The following ADAM18 variants were observed in gnomAD, a reference collection of about 807,000 sequenced individuals.
The protein encoded by ADAM18 is disintegrin and metalloproteinase domain-containing protein 18.
In ADAM18, 117 loss-of-function variants were observed where a neutral mutation model predicts 94.4. That is an observed-to-expected ratio of 1.24 (90% CI 1.07 to 1.45). ADAM18 has a LOEUF of 1.45. ADAM18 is among the 40% of genes most tolerant of loss of function. The pLI is 0.00. For missense variants in ADAM18, 936 were observed against 880.0 expected (o/e 1.06, Z -0.81); for synonymous variants, 327 against 291.6 (o/e 1.12, Z -1.24).
intron 19 of ADAM18, among the ~76,000 whole-genome samples, chr8:39,728,547 TAA>T (rs1347649704): frequency 6.6e-6 from 1 of 152,066 alleles, no homozygotes; most frequent in Admixed American, 6.5e-5. Flanking sequence ...ACAAAATATA[TAA>T]AAAATAAAGT....
At chr8:39,643,922 C>T (rs1199616503) in intron 10 of ADAM18, among the ~76,000 whole-genome samples, 3 of 151,666 alleles carry the variant, frequency 2.0e-5, no homozygotes, top group Non-Finnish European at 4.4e-5. Flanking sequence ...TATCATTCCT[C>T]ATATTCTGCT....
At chr8:39,602,572 TAAG>T (rs1818937213) in intron 2 of ADAM18, among the ~76,000 whole-genome samples, 1 of 152,196 alleles carries the variant, frequency 6.6e-6, no homozygotes, top group Non-Finnish European at 1.5e-5. Context: ...TCTTCTGGTC[TAAG>T]ATTTTAAAAA....
At chr8:39,642,926 T>C (rs1820275473) in intron 10 of ADAM18, among the ~76,000 whole-genome samples, 1 of 152,106 alleles carries the variant, frequency 6.6e-6, no homozygotes, top group Admixed American at 6.6e-5. Context: ...GCATGGGATG[T>C]TTTTCCACTT....
chr8:39,668,460 A>G (rs559087469), intron 14 of ADAM18, among the ~76,000 whole-genome samples: 15 of 152,288 alleles, frequency 9.8e-5, no homozygotes, highest in Non-Finnish European at 2.2e-4. Flanking sequence ...CATCATTTAT[A>G]TAAACATTAA....
intron 7 of ADAM18, among the ~76,000 whole-genome samples, chr8:39,635,116 G>A (rs1820042640): frequency 6.6e-6 from 1 of 152,170 alleles, no homozygotes; most frequent in African/African-American, 2.4e-5. Flanking sequence ...TGAGGATACA[G>A]CAAGAAGGCC....
chr8:39,609,092 C>T lies in ADAM18; in HGVS notation c.239C>T (p.Ser80Phe), dbSNP rs771734296. 2 of 1,591,590 alleles carry T rather than the reference C, an allele frequency of 1.3e-6. No individual in the cohort carries two copies. The highest frequency in any genetic ancestry group is 1.7e-6 in the Non-Finnish European group (2 of 1,169,426). The change falls in exon 4 of 20, where the codon TCT becomes TTT. Residue 80 changes from serine to phenylalanine, a missense_variant. Physicochemically the swap from Ser to Phe is radical, Grantham distance 155. Transcript: ENST00000265707. ...GTTTATACATATAATGAAACTGGAT[C>T]TTTGCATTCTGTGTCTCCATATTTT... is the stretch of plus-strand genomic sequence containing the variant. ...FLVYTYNETGSLHSVSPYFMM... is the reference protein window; with the variant it reads ...FLVYTYNETGFLHSVSPYFMM...
At chr8:39,592,971 A>G (rs1818621314) in intron 2 of ADAM18, among the ~76,000 whole-genome samples, 1 of 152,142 alleles carries the variant, frequency 6.6e-6, no homozygotes, top group Admixed American at 6.5e-5. Context: ...GTCTTCATCA[A>G]TTATCTTAGC....
chr8:39,702,448 C>T lies in ADAM18; in HGVS notation c.1903-4342C>T, dbSNP rs143371296. 5.7e-3 allele frequency among the ~76,000 whole-genome samples: 870 copies of T among 152,164 alleles called. 4 individuals carry two copies. Among genetic ancestry groups the T allele is most frequent in the African/African-American group, 0.02 (827 of 41,496 alleles). ...TCCCATTCTGTAGGTTGTCTGTTTA[C>T]TCTGTTGATAGCTTCTTTTGCTGTA... On this transcript the variant is annotated intron_variant, in intron 17 of 19. Coordinates refer to ENST00000265707, the MANE Select transcript of ADAM18 (RefSeq NM_014237.3).
chr8:39,701,117 CAAAAAAAAAAAA>C (rs71237188), intron 17 of ADAM18, among the ~76,000 whole-genome samples: 158 of 34,562 alleles, frequency 4.6e-3, no homozygotes, highest in Admixed American at 0.012. Context: ...GACTCTGTCT[CAAAAAAAAAAAA>C]AAAAAAAAAA....
intron 18 of ADAM18, among the ~76,000 whole-genome samples, chr8:39,716,308 C>G (rs1006015223): frequency 8.6e-5 from 13 of 151,898 alleles, no homozygotes; most frequent in African/African-American, 3.1e-4. Flanking sequence ...AAATCTTTCT[C>G]TCTCATTTTT....
intron 13 of ADAM18, among the ~76,000 whole-genome samples, chr8:39,667,496 T>C (rs1821023679): frequency 6.6e-6 from 1 of 152,076 alleles, no homozygotes; most frequent in Non-Finnish European, 1.5e-5. Flanking sequence ...ACTTTTTCCA[T>C]TACTCCTGTT....
intron 12 of ADAM18, among the ~76,000 whole-genome samples, chr8:39,650,664 T>C (rs1820507301): frequency 6.6e-6 from 1 of 152,176 alleles, no homozygotes; most frequent in South Asian, 2.1e-4. Flanking sequence ...AGATAAACCA[T>C]GTTCAAGAGC....
In ADAM18 at chr8:39,610,452, C is replaced by T. The variant is rs561528576; in HGVS notation, c.345-77C>T. On this transcript the variant is annotated intron_variant, in intron 5 of 19. Transcript: ENST00000265707. ...TAGTATAGTTTTTTAATTTCTTATG[C>T]CATTTCAGATTATCATTTTGAAGGG... The T allele has an allele frequency of 1.8e-3, 2,640 of 1,428,762 alleles. 13 individuals are homozygous for T. Among genetic ancestry groups the T allele is most frequent in the South Asian group, 5.3e-3 (333 of 63,052 alleles). The allele number at this position is 1,428,762 out of a possible 1,614,324, so 88.5% of individuals were successfully genotyped here. A position where few individuals can be genotyped will look rare whatever the true frequency, so the allele number is the denominator to read the frequency against.
intron 16 of ADAM18, among the ~76,000 whole-genome samples, chr8:39,687,308 T>A (rs1347340783): frequency 1.3e-5 from 2 of 152,220 alleles, no homozygotes. Context: ...TTACAATGCA[T>A]AATTTGTCTT....
At chr8:39,710,982 A>G (rs936297738) in intron 18 of ADAM18, among the ~76,000 whole-genome samples, 1 of 152,242 alleles carries the variant, frequency 6.6e-6, no homozygotes, top group African/African-American at 2.4e-5. Context: ...AGTCTGGCTC[A>G]GTGTAAAAGC....
At chr8:39,591,190 G>C (rs1818561231) in intron 2 of ADAM18, among the ~76,000 whole-genome samples, 1 of 152,160 alleles carries the variant, frequency 6.6e-6, no homozygotes, top group Non-Finnish European at 1.5e-5. Flanking sequence ...GATGGCTGCT[G>C]ACTGATCAGG....
chr8:39,608,882 T>A (rs1819174054), intron 3 of ADAM18, among the ~76,000 whole-genome samples, 160 bp from the exon 4 acceptor site: 1 of 152,206 alleles, frequency 6.6e-6, no homozygotes, highest in South Asian at 2.1e-4. Flanking sequence ...TCACCAGTTC[T>A]ATGAATTTCA....
chr8:39,585,428 C>A, intron 2 of ADAM18, 76 bp downstream of exon 2: 2 of 1,071,308 alleles, frequency 1.9e-6, no homozygotes, highest in Admixed American at 2.2e-5. Context: ...TAAGTCAGAT[C>A]ATACTAATTT....
At chr8:39,587,925 AT>A (rs1229464136) in intron 2 of ADAM18, among the ~76,000 whole-genome samples, 1 of 152,142 alleles carries the variant, frequency 6.6e-6, no homozygotes, top group African/African-American at 2.4e-5. Context: ...CATTTTCTTT[AT>A]GCATTCATGT....
Sources: allele counts gnomAD v4.1 joint callset (sites outside exome capture counted in the v4.1 genomes callset), GRCh38; gene constraint gnomAD v4.1.1; transcripts MANE v1.5; gene names NCBI Gene and HGNC (gene_info 2026-07-23, HGNC 2026-07-21).